Variants in COLEC10 observed in about 807,000 individuals in gnomAD.
The protein encoded by COLEC10 is collectin-10.
COLEC10 carries 22 observed loss-of-function variants against 28.4 expected under a neutral mutation model. The ratio of observed to expected loss-of-function variants is 0.78; its 90% CI spans 0.55 to 1.11. The LOEUF is 1.11. Among genes scored for constraint, COLEC10 ranks in the 50% least tolerant of loss-of-function variants. The probability of loss-of-function intolerance (pLI) is 0.00; values close to 1 mark genes in which losing one functional copy is unlikely to be tolerated. For synonymous variants in COLEC10, 125 were observed against 116.1 expected (o/e 1.08, Z -0.49); for missense variants, 361 against 344.1 (o/e 1.05, Z -0.39).
At chr8:118,979,895 A>G in the COLEC10 span, among the ~76,000 whole-genome samples, 4 of 152,092 alleles carry the variant, frequency 2.6e-5, no homozygotes, top group Non-Finnish European at 4.4e-5. Context: ...GCTCACTCAC[A>G]TGAGTGTTGG....
chr8:118,994,428 G>C (rs1309235103), upstream of COLEC10, among the ~76,000 whole-genome samples: 1 of 152,126 alleles, frequency 6.6e-6, no homozygotes, highest in Non-Finnish European at 1.5e-5. Context: ...GTAATTCAAA[G>C]TTTATTTTAG....
chr8:118,958,698 CTCAGTT>C, the COLEC10 span, among the ~76,000 whole-genome samples: 1 of 152,224 alleles, frequency 6.6e-6, no homozygotes, highest in African/African-American at 2.4e-5. Context: ...CCTTTCGCTG[CTCAGTT>C]TCAAAGAGAT....
chr8:119,009,840 CT>C (rs200413437), intron 2 of COLEC10, among the ~76,000 whole-genome samples: 6 of 142,624 alleles, frequency 4.2e-5, no homozygotes, highest in East Asian at 2.1e-4. Context: ...AAGCTCAGCT[CT>C]TTTTTTTAAA....
chr8:119,042,245 G>A (rs897670196), intron 2 of COLEC10, among the ~76,000 whole-genome samples: 3 of 151,800 alleles, frequency 2.0e-5, no homozygotes, highest in East Asian at 1.9e-4. Flanking sequence ...TAATCTTCCC[G>A]TTTCGGCCTC....
chr8:119,082,872 T>C (rs144308297), intron 1 of COLEC10, among the ~76,000 whole-genome samples: 25 of 152,224 alleles, frequency 1.6e-4, no homozygotes, highest in African/African-American at 6.0e-4. Context: ...TAGTGGAGAG[T>C]TTGAAGTGTG....
At chr8:119,028,503 A>G (rs1814233759) in intron 2 of COLEC10, among the ~76,000 whole-genome samples, 2 of 152,172 alleles carry the variant, frequency 1.3e-5, no homozygotes, top group African/African-American at 4.8e-5. Context: ...ATAAGGAAGA[A>G]GCCAAAGAGG....
the COLEC10 span, among the ~76,000 whole-genome samples, chr8:118,977,780 TA>T: frequency 0.017 from 2,527 of 148,880 alleles, 66 homozygotes; most frequent in African/African-American, 0.059. Context: ...AATAATCAAC[TA>T]AAAAAAATAT....
chr8:118,992,393 T>C (rs1813517981), upstream of COLEC10, among the ~76,000 whole-genome samples: 2 of 152,140 alleles, frequency 1.3e-5, no homozygotes, highest in South Asian at 4.1e-4. Flanking sequence ...CTGTCCAAAA[T>C]AATCATTGTT....
intron 2 of COLEC10, among the ~76,000 whole-genome samples, chr8:119,061,943 T>G (rs979104326): frequency 1.3e-5 from 2 of 152,120 alleles, no homozygotes; most frequent in African/African-American, 4.8e-5. Context: ...ACTTTACATT[T>G]CTACAAAACT....
At chr8:118,974,503 C>T in the COLEC10 span, among the ~76,000 whole-genome samples, 48 of 152,036 alleles carry the variant, frequency 3.2e-4, no homozygotes, top group East Asian at 2.7e-3. Flanking sequence ...ACCTTTACTG[C>T]TGTCTTATCA....
chr8:119,029,894 G>C (rs12056814), intron 2 of COLEC10, among the ~76,000 whole-genome samples: 6,690 of 152,262 alleles, frequency 0.044, 214 homozygotes, highest in East Asian at 0.16. Context: ...ACCATAGTTA[G>C]CAGCATGGGT....
chr8:119,086,541 G>T (rs368227640), intron 1 of COLEC10, among the ~76,000 whole-genome samples: 1 of 152,138 alleles, frequency 6.6e-6, no homozygotes, highest in Non-Finnish European at 1.5e-5. Context: ...TGGCCACCAG[G>T]CTGGGATGCA....
At chr8:119,045,215 G>T (rs999298926) in intron 2 of COLEC10, among the ~76,000 whole-genome samples, 1 of 152,322 alleles carries the variant, frequency 6.6e-6, no homozygotes, top group African/African-American at 2.4e-5. Context: ...AACAAAATAA[G>T]GTGGGAACAA....
intron 2 of COLEC10, among the ~76,000 whole-genome samples, chr8:119,060,417 A>G: frequency 6.6e-6 from 1 of 152,104 alleles, no homozygotes; most frequent in East Asian, 1.9e-4. Context: ...ATACTGGGAA[A>G]GTCTTTCAAA....
intron 2 of COLEC10, among the ~76,000 whole-genome samples, chr8:119,057,987 A>G (rs949269724): frequency 6.6e-6 from 1 of 152,018 alleles, no homozygotes; most frequent in Non-Finnish European, 1.5e-5. Context: ...AGTTGTATCT[A>G]TATTAATATT....
chr8:119,059,997 A>G (rs970178875), intron 2 of COLEC10, among the ~76,000 whole-genome samples: 3 of 152,248 alleles, frequency 2.0e-5, no homozygotes, highest in African/African-American at 4.8e-5. Context: ...CTTCCTTTTC[A>G]TGACTAATTT....
the COLEC10 span, among the ~76,000 whole-genome samples, chr8:118,958,942 C>G: frequency 3.9e-5 from 6 of 152,276 alleles, no homozygotes; most frequent in African/African-American, 1.4e-4. Context: ...GCAGCTGATT[C>G]TGCCTGGCAG....
At chr8:118,957,561 T>C in the COLEC10 span, among the ~76,000 whole-genome samples, 1 of 152,166 alleles carries the variant, frequency 6.6e-6, no homozygotes, top group Non-Finnish European at 1.5e-5. Flanking sequence ...ATGCAGTGTC[T>C]AGAGAGTCAG....
chr8:118,961,619 C>G, the COLEC10 span, among the ~76,000 whole-genome samples: 1 of 152,200 alleles, frequency 6.6e-6, no homozygotes, highest in African/African-American at 2.4e-5. Flanking sequence ...ATCTCTTACT[C>G]TTTTCACTCA....
Sources: allele counts gnomAD v4.1 joint callset (sites outside exome capture counted in the v4.1 genomes callset), GRCh38; gene constraint gnomAD v4.1.1; transcripts MANE v1.5; gene names NCBI Gene and HGNC (gene_info 2026-07-23, HGNC 2026-07-21).